The following DOCK10 variants were observed in gnomAD, a reference collection of about 807,000 sequenced individuals.
DOCK10 encodes the protein dedicator of cytokinesis 10.
Under a neutral mutation model 280.1 loss-of-function variants are expected in DOCK10, and 145 were observed. The observed-to-expected ratio is 0.52, with a 90% CI of 0.45 to 0.59. DOCK10 has a LOEUF of 0.59. DOCK10 is among the 20% of genes least tolerant of loss of function. DOCK10 has a pLI of 0.00. For synonymous variants in DOCK10, 915 were observed against 942.2 expected (o/e 0.97, Z 0.53); for missense variants, 2,368 against 2,651.7 (o/e 0.89, Z 2.35).
In DOCK10 at chr2:224,841,874, A is replaced by T. The variant is rs1695986786; in HGVS notation, c.2591T>A (p.Phe864Tyr). 1 of 1,612,240 alleles carries T rather than the reference A, an allele frequency of 6.2e-7. No homozygotes were observed. The highest frequency in any genetic ancestry group is 1.3e-5 in the African/African-American group (1 of 74,910). The change falls in exon 23 of 56, where the codon TTC becomes TAC. Residue 864 changes from phenylalanine (F) to tyrosine (Y), a missense_variant. Physicochemically the swap from Phe to Tyr is conservative, Grantham distance 22. Transcript: ENST00000258390. ...NTQDPHVNAFFQECQKREKDM... is the reference protein window; with the variant it reads ...NTQDPHVNAFYQECQKREKDM... ...TTTCTCTCTTTTTTGGCACTCTTGG[A>T]AAAATGCATTCACATGTGGATCCTA...
intron 51 of DOCK10, among the ~76,000 whole-genome samples, chr2:224,776,645 A>G (rs78262851): frequency 6.6e-6 from 1 of 151,964 alleles, no homozygotes; most frequent in Non-Finnish European, 1.5e-5. Flanking sequence ...AAAAAAAAAA[A>G]GAACTCTTCT....
At chr2:224,837,710 C>G in intron 25 of DOCK10, 52 bp downstream of exon 25, 1 of 1,482,792 alleles carries the variant, frequency 6.7e-7, no homozygotes, top group South Asian at 1.1e-5. Context: ...GGAAATGAGA[C>G]AAGTCACACA....
intron 1 of DOCK10, among the ~76,000 whole-genome samples, chr2:225,006,772 C>T (rs78924812): frequency 0.013 from 1,994 of 152,302 alleles, 46 homozygotes; most frequent in African/African-American, 0.044. Flanking sequence ...CAGAGTTAAT[C>T]TCTCATGTTG....
At chr2:224,852,857 T>G (rs940404064) in intron 17 of DOCK10, 78 bp downstream of exon 17, 15 of 1,258,326 alleles carry the variant, frequency 1.2e-5, no homozygotes, top group Non-Finnish European at 1.6e-5. Context: ...TAATTTGTAT[T>G]TGCACATTCA....
At chr2:224,988,183 C>T (rs1706023069) in intron 1 of DOCK10, among the ~76,000 whole-genome samples, 2 of 152,174 alleles carry the variant, frequency 1.3e-5, no homozygotes, top group Admixed American at 6.5e-5. Context: ...CCCTAACGGG[C>T]ATTGCTTCAC....
intron 23 of DOCK10, 125 bp downstream of exon 23, chr2:224,841,679 G>A: frequency 1.7e-6 from 1 of 577,134 alleles, no homozygotes; most frequent in Non-Finnish European, 3.1e-6. Context: ...TCTCTGAATT[G>A]ATAAGGTATT....
At chr2:225,035,597 T>A (rs1559987216) in intron 1 of DOCK10, among the ~76,000 whole-genome samples, 2 of 97,128 alleles carry the variant, frequency 2.1e-5, no homozygotes, top group Admixed American at 2.2e-4. Flanking sequence ...TAACACTGAA[T>A]CAGTGTTAAT....
chr2:224,800,086 C>T, intron 41 of DOCK10, 65 bp downstream of exon 41: 1 of 945,654 alleles, frequency 1.1e-6, no homozygotes, highest in South Asian at 1.6e-5. Context: ...ATGTTTTTGA[C>T]TTCACATGGT....
At chr2:224,864,227 G>T (rs980987128) in intron 13 of DOCK10, among the ~76,000 whole-genome samples, 1 of 152,230 alleles carries the variant, frequency 6.6e-6, no homozygotes, top group African/African-American at 2.4e-5. Flanking sequence ...AATGAAGTTG[G>T]CTGGGCATGG....
chr2:224,862,965 A>G (rs1485231604), intron 13 of DOCK10, among the ~76,000 whole-genome samples: 1 of 152,176 alleles, frequency 6.6e-6, no homozygotes, highest in Non-Finnish European at 1.5e-5. Flanking sequence ...GAAATTTCAA[A>G]TGTAGAAAAT....
Position 224,852,446 on chromosome 2 carries a change from A to C in DOCK10, c.2077-4T>G. On this transcript the variant is annotated splice_region_variant and splice_polypyrimidine_tract_variant and intron_variant, in intron 17 of 55. Transcript: ENST00000258390. ...TGCACACAGTTATATTCCGTGCCTG[A>C]AATTACGGAGAGAAAAAATGGAAAT... 1 of 1,555,794 alleles carries C rather than the reference A, an allele frequency of 6.4e-7. No individual in the cohort carries two copies. The highest frequency in any genetic ancestry group is 8.7e-7 in the Non-Finnish European group (1 of 1,148,718).
At chr2:224,984,267 G>A (rs754939351) in intron 1 of DOCK10, among the ~76,000 whole-genome samples, 1 of 152,186 alleles carries the variant, frequency 6.6e-6, no homozygotes, top group Non-Finnish European at 1.5e-5. Context: ...AGATCCCTCC[G>A]CTATCCACCA....
intron 44 of DOCK10, among the ~76,000 whole-genome samples, chr2:224,796,069 T>C (rs1692553088): frequency 6.6e-6 from 1 of 151,436 alleles, no homozygotes; most frequent in Non-Finnish European, 1.5e-5. Flanking sequence ...ATTATTATTA[T>C]TATTTTAGAG....
chr2:224,782,164 A>T (rs1040194014), intron 50 of DOCK10, among the ~76,000 whole-genome samples: 1 of 152,106 alleles, frequency 6.6e-6, no homozygotes, highest in Non-Finnish European at 1.5e-5. Flanking sequence ...CGACTTTCCT[A>T]TAGGTGGAGA....
intron 44 of DOCK10, 71 bp downstream of exon 44, chr2:224,796,245 A>G: frequency 1.1e-6 from 1 of 943,506 alleles, no homozygotes; most frequent in African/African-American, 1.6e-5. Flanking sequence ...TATGATTTTG[A>G]TATCTCACAA....
chr2:224,868,734 T>G (rs1333082064), intron 11 of DOCK10, among the ~76,000 whole-genome samples: 1 of 152,162 alleles, frequency 6.6e-6, no homozygotes, highest in South Asian at 2.1e-4. Context: ...TTTTAAAATA[T>G]AAAGCAATTA....
chr2:224,912,195 A>G (rs1208003537), intron 3 of DOCK10, among the ~76,000 whole-genome samples: 1 of 151,086 alleles, frequency 6.6e-6, no homozygotes, highest in African/African-American at 2.4e-5. Flanking sequence ...GGCTGGAATG[A>G]CGCGATCTCA....
intron 1 of DOCK10, among the ~76,000 whole-genome samples, chr2:224,987,333 C>T (rs1487995999): frequency 1.3e-5 from 2 of 152,184 alleles, no homozygotes; most frequent in South Asian, 2.1e-4. Flanking sequence ...CAGCAGATGG[C>T]AGCCATTGCT....
intron 25 of DOCK10, among the ~76,000 whole-genome samples, chr2:224,834,889 A>T (rs1301540615): frequency 6.6e-6 from 1 of 152,214 alleles, no homozygotes; most frequent in Non-Finnish European, 1.5e-5. Context: ...ATCAGTATCA[A>T]TTTATGCACA....
Sources: allele counts gnomAD v4.1 joint callset (sites outside exome capture counted in the v4.1 genomes callset), GRCh38; gene constraint gnomAD v4.1.1; transcripts MANE v1.5; gene names NCBI Gene and HGNC (gene_info 2026-07-23, HGNC 2026-07-21).